Variants in SOCS2 observed in about 807,000 individuals in gnomAD.
SOCS2 encodes the protein suppressor of cytokine signaling 2, also known as CIS-2.
Under a neutral mutation model 18.6 loss-of-function variants are expected in SOCS2, and 10 were observed. The observed-to-expected ratio is 0.54, with a 90% CI of 0.33 to 0.91. The LOEUF is 0.91. Ranked by LOEUF, SOCS2 falls within the 40% of genes least tolerant of loss-of-function variation. SOCS2 has a pLI of 0.02. For missense variants in SOCS2, 231 were observed against 247.2 expected (o/e 0.93, Z 0.44); for synonymous variants, 104 against 104.0 (o/e 1.00, Z 0.00).
chr12:93,622,571 T>TAAAAC, the SOCS2 span, among the ~76,000 whole-genome samples: 1 of 152,162 alleles, frequency 6.6e-6, no homozygotes, highest in Non-Finnish European at 1.5e-5. Context: ...AGGAAACCTT[T>TAAAAC]AAAACAAAAC....
At chr12:93,605,800 A>T in the SOCS2 span, among the ~76,000 whole-genome samples, 1 of 152,218 alleles carries the variant, frequency 6.6e-6, no homozygotes, top group East Asian at 1.9e-4. Flanking sequence ...CACTCTTCTG[A>T]GGGGCAGTAG....
At chr12:93,589,057 C>G in the SOCS2 span, among the ~76,000 whole-genome samples, 1 of 152,216 alleles carries the variant, frequency 6.6e-6, no homozygotes, top group Admixed American at 6.5e-5. Context: ...CTTCCCAGTG[C>G]TATCATTATT....
At chr12:93,590,368 TC>T in the SOCS2 span, among the ~76,000 whole-genome samples, 5 of 152,170 alleles carry the variant, frequency 3.3e-5, no homozygotes, top group African/African-American at 1.2e-4. Context: ...CCTTTTATTT[TC>T]CAATAACATT....
At chr12:93,571,860 G>A (rs757962550), upstream of SOCS2, 7 of 374,146 alleles carry the variant, frequency 1.9e-5, no homozygotes, top group East Asian at 3.4e-4. Flanking sequence ...CCCCATGTCC[G>A]CTGAGGAGGC....
chr12:93,614,441 TCC>T, the SOCS2 span, among the ~76,000 whole-genome samples: 21 of 62,688 alleles, frequency 3.3e-4, no homozygotes, highest in East Asian at 1.6e-3. Context: ...CTTCCTTCCT[TCC>T]TTCCTTCCTT....
chr12:93,590,779 G>A, the SOCS2 span, among the ~76,000 whole-genome samples: 1 of 57,168 alleles, frequency 1.7e-5, no homozygotes, highest in Non-Finnish European at 2.8e-5. Flanking sequence ...GCAAGACTCC[G>A]CCTCAAAAAA....
the SOCS2 span, among the ~76,000 whole-genome samples, chr12:93,611,926 A>G: frequency 6.6e-6 from 1 of 150,816 alleles, no homozygotes; most frequent in Non-Finnish European, 1.5e-5. Context: ...TTTCTTTACA[A>G]CTCCTCCCTC....
At chr12:93,604,275 C>T in the SOCS2 span, among the ~76,000 whole-genome samples, 6 of 152,026 alleles carry the variant, frequency 3.9e-5, no homozygotes, top group Non-Finnish European at 5.9e-5. Context: ...GAAAAGCAGA[C>T]GACATTCTTA....
chr12:93,581,365 A>G (rs1049328452), downstream of SOCS2, among the ~76,000 whole-genome samples: 7 of 152,078 alleles, frequency 4.6e-5, no homozygotes, highest in African/African-American at 1.7e-4. Flanking sequence ...CCTCTTTTAT[A>G]CCAAGCCCAG....
downstream of SOCS2, among the ~76,000 whole-genome samples, chr12:93,586,414 G>C (rs1954585388): frequency 1.3e-5 from 2 of 152,208 alleles, no homozygotes; most frequent in African/African-American, 4.8e-5. Flanking sequence ...GGACTTTTGT[G>C]TGATAAATTG....
upstream of SOCS2, chr12:93,571,551 CCT>C (rs772902261): frequency 2.4e-4 from 42 of 176,800 alleles, no homozygotes; most frequent in Non-Finnish European, 3.8e-4. Context: ...TCCCTCCCTC[CCT>C]CTCTCCTTCC....
downstream of SOCS2, among the ~76,000 whole-genome samples, chr12:93,586,738 C>T (rs1057368263): frequency 2.6e-5 from 4 of 151,664 alleles, no homozygotes; most frequent in African/African-American, 7.3e-5. Flanking sequence ...TTATCTTTAA[C>T]TTCTCTGTCT....
chr12:93,591,967 G>A, the SOCS2 span, among the ~76,000 whole-genome samples: 1 of 152,118 alleles, frequency 6.6e-6, no homozygotes, highest in Non-Finnish European at 1.5e-5. Context: ...TGTTAATGCA[G>A]GGTAAATACA....
the SOCS2 span, among the ~76,000 whole-genome samples, chr12:93,620,204 C>G: frequency 6.6e-6 from 1 of 151,994 alleles, no homozygotes; most frequent in Non-Finnish European, 1.5e-5. Flanking sequence ...GTATAAACAA[C>G]TTGTATCATT....
the SOCS2 span, among the ~76,000 whole-genome samples, chr12:93,611,101 T>A: frequency 6.6e-6 from 1 of 152,182 alleles, no homozygotes; most frequent in Non-Finnish European, 1.5e-5. Flanking sequence ...TGGCCTAGAC[T>A]GGCCAGGAGA....
chr12:93,572,856 G>T lies in SOCS2; in HGVS notation c.-42G>T. On this transcript the variant is annotated 5_prime_UTR_variant, in exon 1 of 2. Coordinates refer to ENST00000551556, the MANE Select transcript of SOCS2 (RefSeq NM_001270471.2). The surrounding 1 kb of genome is among the most constrained non-coding windows in gnomAD (Gnocchi z 5.0). The stretch of plus-strand genomic sequence containing the variant: ...GGACGCGAACCCTTCTCTGACCCCA[G>T]CTCGGGCGGCCACCTGTCTTTGCCG... 1.3e-6 allele frequency: 2 copies of T among 1,557,654 alleles called. No individual in the cohort carries two copies. Among genetic ancestry groups the T allele is most frequent in the Non-Finnish European group, 1.7e-6 (2 of 1,150,350 alleles).
At chr12:93,595,243 T>C in the SOCS2 span, among the ~76,000 whole-genome samples, 10 of 152,216 alleles carry the variant, frequency 6.6e-5, no homozygotes, top group Non-Finnish European at 1.3e-4. Flanking sequence ...TAGTTAACTT[T>C]AGGAAATGCT....
At chr12:93,625,691 T>A in the SOCS2 span, among the ~76,000 whole-genome samples, 7 of 136,164 alleles carry the variant, frequency 5.1e-5, no homozygotes, top group Admixed American at 6.1e-4. Flanking sequence ...GAGGTTGCAA[T>A]GAGCTGAGAT....
downstream of SOCS2, among the ~76,000 whole-genome samples, chr12:93,580,655 A>G (rs900642204): frequency 6.6e-6 from 1 of 151,912 alleles, no homozygotes; most frequent in Non-Finnish European, 1.5e-5. Context: ...AGGAAAAGAA[A>G]AAGAGGCCAT....
Sources: gnomAD v4.1 joint callset for allele counts (sites outside exome capture counted in the v4.1 genomes callset) on GRCh38, gnomAD v4.1.1 for gene constraint, Gnocchi (gnomAD v3.1) non-coding constraint, MANE v1.5 for transcripts, NCBI Gene and HGNC (gene_info 2026-07-23, HGNC 2026-07-21) for gene names.